UBA3: variants seen among roughly 807,000 people sequenced by gnomAD.
UBA3 encodes ubiquitin like modifier activating enzyme 3.
UBA3 carries 26 observed loss-of-function variants against 73.5 expected under a neutral mutation model. The ratio of observed to expected loss-of-function variants is 0.35; its 90% CI spans 0.26 to 0.49. The LOEUF is 0.49. Among genes scored for constraint, UBA3 ranks in the 20% least tolerant of loss-of-function variants. The pLI, the probability that UBA3 is intolerant of heterozygous loss-of-function variation, is 0.98. For synonymous variants in UBA3, 217 were observed against 191.2 expected (o/e 1.13, Z -1.11); for missense variants, 495 against 555.6 (o/e 0.89, Z 1.10).
At chr3:69,078,446 T>G (rs986629011) in intron 2 of UBA3, among the ~76,000 whole-genome samples, 2 of 152,212 alleles carry the variant, frequency 1.3e-5, no homozygotes, top group African/African-American at 2.4e-5. Flanking sequence ...TTTCACACAC[T>G]TTTCTCAGAA....
chr3:69,065,814 CTT>C (rs528732611), intron 6 of UBA3, among the ~76,000 whole-genome samples: 1 of 144,962 alleles, frequency 6.9e-6, no homozygotes. Context: ...TTGAGACTGG[CTT>C]TTTTTTTTTA....
At position 69,080,341 on chromosome 3, in the gene UBA3, C is replaced by T. The variant is rs1261352029; in HGVS notation, c.13G>A (p.Glu5Lys). The change falls in exon 1 of 18, where the codon GAG becomes AAG. Residue 5 changes from glutamate to lysine, a missense_variant. Coordinates refer to ENST00000361055, the MANE Select transcript of UBA3 (RefSeq NM_003968.4). MADG[E>K]EPEKKRRRIE... ...CAGAGCCCCGGTACTTACGGCTCCT[C>T]GCCATCCGCCATATTGTTCTCCGCC... 6.3e-7 allele frequency: 1 copy of T among 1,595,626 alleles called. No homozygotes were observed. Among genetic ancestry groups the T allele is most frequent in the Non-Finnish European group, 8.5e-7 (1 of 1,173,338 alleles).
intron 5 of UBA3, among the ~76,000 whole-genome samples, chr3:69,068,799 G>A (rs1186465697): frequency 2.0e-5 from 3 of 152,142 alleles, no homozygotes; most frequent in African/African-American, 7.2e-5. Flanking sequence ...TCGAACTCCT[G>A]ACCTCAGGTG....
At chr3:69,064,888 A>C (rs1222798750) in intron 6 of UBA3, among the ~76,000 whole-genome samples, 1 of 152,206 alleles carries the variant, frequency 6.6e-6, no homozygotes, top group African/African-American at 2.4e-5. Flanking sequence ...GTCCACTATA[A>C]ATTTTTTAAA....
At chr3:69,066,444 G>A (rs925675941) in intron 6 of UBA3, among the ~76,000 whole-genome samples, 3 of 149,584 alleles carry the variant, frequency 2.0e-5, no homozygotes, top group African/African-American at 7.4e-5. Flanking sequence ...GGTTTTTTGT[G>A]TTTTTTTTTG....
At chr3:69,072,963 G>T (rs1381929925) in intron 4 of UBA3, among the ~76,000 whole-genome samples, 3 of 152,044 alleles carry the variant, frequency 2.0e-5, no homozygotes, top group Non-Finnish European at 4.4e-5. Flanking sequence ...TCCATAATCT[G>T]ACCACCTGTC....
Position 69,080,323 on chromosome 3 carries a change from CCG to C in UBA3, c.20+9_20+10del, listed in dbSNP as rs2092209373. ...CCCAGCCCGGCGCGTCTGCAGAGCC[CCG>C]GTACTTACGGCTCCTCGCCATCCGC... is the stretch of plus-strand genomic sequence containing the variant. On this transcript the variant is annotated intron_variant, in intron 1 of 17. Transcript: ENST00000361055. 6.2e-7 allele frequency: 1 copy of C among 1,604,266 alleles called. No individual in the cohort carries two copies. Among genetic ancestry groups the C allele is most frequent in the African/African-American group, 1.3e-5 (1 of 74,792 alleles).
intron 9 of UBA3, 104 bp downstream of exon 9, chr3:69,062,878 G>A (rs1215233665): frequency 2.3e-5 from 31 of 1,352,088 alleles, no homozygotes; most frequent in South Asian, 7.9e-5. Context: ...TTTAAAATAC[G>A]GCCACTTCTA....
At chr3:69,068,939 A>G (rs954488287) in intron 5 of UBA3, among the ~76,000 whole-genome samples, 3 of 152,236 alleles carry the variant, frequency 2.0e-5, no homozygotes, top group Non-Finnish European at 4.4e-5. Flanking sequence ...ATTACATCAC[A>G]GAAGCTGAAT....
chr3:69,076,352 T>C (rs2092166471), intron 3 of UBA3: 3 of 152,062 alleles, frequency 2.0e-5, no homozygotes, highest in African/African-American at 7.2e-5. Flanking sequence ...CTGACCAACA[T>C]GGTGAAACCC....
intron 6 of UBA3, among the ~76,000 whole-genome samples, chr3:69,065,024 C>G (rs1426046140): frequency 1.3e-5 from 2 of 152,068 alleles, no homozygotes; most frequent in Non-Finnish European, 2.9e-5. Context: ...CTCAGTCATT[C>G]AGACCTCTAT....
At chr3:69,071,846 C>T (rs2092124651) in intron 4 of UBA3, among the ~76,000 whole-genome samples, 2 of 152,116 alleles carry the variant, frequency 1.3e-5, no homozygotes, top group South Asian at 4.1e-4. Context: ...AAGAGAACAA[C>T]TCAAAATTTC....
At chr3:69,074,611 TAA>T (rs1173509369) in intron 4 of UBA3, among the ~76,000 whole-genome samples, 3 of 152,198 alleles carry the variant, frequency 2.0e-5, no homozygotes, top group African/African-American at 7.2e-5. Flanking sequence ...CTTTATTTTC[TAA>T]AGAGTCTATT....
At chr3:69,055,803 A>G in intron 17 of UBA3, 48 bp downstream of exon 17, 2 of 1,552,004 alleles carry the variant, frequency 1.3e-6, no homozygotes, top group African/African-American at 1.4e-5. Context: ...TTCACCAAAA[A>G]GAGAGAAAAG....
intron 6 of UBA3, among the ~76,000 whole-genome samples, chr3:69,067,271 T>C (rs956256479): frequency 6.6e-6 from 1 of 152,346 alleles, no homozygotes; most frequent in East Asian, 1.9e-4. Flanking sequence ...TTTCACTATA[T>C]AAATCTCTTA....
chr3:69,064,301 C>T (rs768435111), intron 6 of UBA3, among the ~76,000 whole-genome samples, 190 bp from the exon 7 acceptor site: 2 of 152,168 alleles, frequency 1.3e-5, no homozygotes, highest in Non-Finnish European at 2.9e-5. Context: ...TCTGCCATTC[C>T]TCCCCTAACT....
intron 6 of UBA3, among the ~76,000 whole-genome samples, chr3:69,064,990 TG>T (rs1279859364): frequency 6.6e-6 from 1 of 152,182 alleles, no homozygotes; most frequent in Non-Finnish European, 1.5e-5. Context: ...AATAAAGCTA[TG>T]AACAATAATT....
At chr3:69,062,929 C>A in intron 9 of UBA3, 53 bp downstream of exon 9, 4 of 1,592,074 alleles carry the variant, frequency 2.5e-6, no homozygotes, top group South Asian at 1.1e-5. Flanking sequence ...ATAATTAATC[C>A]CTAATTCCAT....
At chr3:69,062,862 G>T in intron 9 of UBA3, 120 bp downstream of exon 9, 1 of 1,248,424 alleles carries the variant, frequency 8.0e-7, no homozygotes. Context: ...TCTTCTTAGT[G>T]TAATTTTTAA....
Sources: allele counts gnomAD v4.1 joint callset (sites outside exome capture counted in the v4.1 genomes callset), GRCh38; gene constraint gnomAD v4.1.1; transcripts MANE v1.5; gene names NCBI Gene and HGNC (gene_info 2026-07-23, HGNC 2026-07-21).